The following ARL15 variants were observed in gnomAD, a reference collection of about 807,000 sequenced individuals.
ARL15 encodes the protein ARF like GTPase 15, also known as ADP-ribosylation factor-like protein 15.
A neutral mutation model predicts 25.2 loss-of-function variants in ARL15; 19 were observed. The ratio of observed to expected loss-of-function variants is 0.75; its 90% CI spans 0.53 to 1.10. The LOEUF (loss-of-function observed/expected upper bound fraction) is 1.10. Ranked by LOEUF, ARL15 falls within the 50% of genes least tolerant of loss-of-function variation. The pLI, the probability that ARL15 is intolerant of heterozygous loss-of-function variation, is 0.00. For missense variants in ARL15, 220 were observed against 246.0 expected (o/e 0.89, Z 0.71); for synonymous variants, 94 against 86.8 (o/e 1.08, Z -0.46).
At chr5:53,910,666 T>C (rs1745430080) in intron 4 of ARL15, among the ~76,000 whole-genome samples, 2 of 126,872 alleles carry the variant, frequency 1.6e-5, no homozygotes, top group Non-Finnish European at 3.4e-5. Flanking sequence ...TATATATATA[T>C]ATATATAAAG....
intron 1 of ARL15, among the ~76,000 whole-genome samples, chr5:54,215,163 A>G (rs550222364): frequency 6.6e-6 from 1 of 151,486 alleles, no homozygotes; most frequent in South Asian, 2.1e-4. Context: ...TGCCTTTTAT[A>G]TTTTTCTTTT....
chr5:54,218,418 G>A (rs956358558), intron 1 of ARL15, among the ~76,000 whole-genome samples: 4 of 152,054 alleles, frequency 2.6e-5, no homozygotes, highest in Non-Finnish European at 5.9e-5. Context: ...ACTGTATCCC[G>A]TATCCCCGAT....
Position 54,260,318 on chromosome 5 carries a change from C to T in ARL15, c.48+50114G>A, listed in dbSNP as rs996395256. 2.6e-5 allele frequency among the ~76,000 whole-genome samples: 4 copies of T among 152,162 alleles called. No homozygotes were observed. In the South Asian group the frequency reaches 8.3e-4, roughly 32 times the overall value. ...GGTAGATGGGATGAAAGTGTGATTC[C>T]TTCAACCATTATCATAACAATTACA... is the stretch of plus-strand genomic sequence containing the variant. On this transcript the variant is annotated intron_variant, in intron 1 of 4. Transcript: ENST00000504924.
intron 1 of ARL15, among the ~76,000 whole-genome samples, chr5:54,269,192 G>A (rs1025369573): frequency 6.6e-6 from 1 of 151,730 alleles, no homozygotes; most frequent in Non-Finnish European, 1.5e-5. Flanking sequence ...TGCACATTGT[G>A]CACATGTACC....
intron 4 of ARL15, among the ~76,000 whole-genome samples, chr5:54,058,004 A>T (rs1272364494): frequency 4.0e-4 from 55 of 138,248 alleles, no homozygotes; most frequent in Non-Finnish European, 5.6e-4. Context: ...TTATTTATTT[A>T]TTTATTTATT....
In ARL15 at chr5:54,310,513, C is replaced by A. The variant is rs975766822; in HGVS notation, c.-34G>T. The stretch of plus-strand genomic sequence containing the variant: ...CTAAAGCATCCGGAACGGCTCCGAA[C>A]CCGGAAAAAAAAAGCAGCGTCTCTG... On this transcript the variant is annotated 5_prime_UTR_variant, in exon 1 of 5. Coordinates refer to ENST00000504924, the MANE Select transcript of ARL15 (RefSeq NM_019087.3). The A allele has an allele frequency of 1.1e-5, 18 of 1,578,330 alleles. No individual in the cohort carries two copies. The highest frequency in any genetic ancestry group is 2.3e-5 in the East Asian group (1 of 42,772).
chr5:53,918,769 T>A (rs916356487), intron 4 of ARL15, among the ~76,000 whole-genome samples: 2 of 151,866 alleles, frequency 1.3e-5, no homozygotes, highest in African/African-American at 4.8e-5. Flanking sequence ...AGAGTCTGAG[T>A]ATCTGGAAGC....
intron 3 of ARL15, among the ~76,000 whole-genome samples, chr5:54,136,461 T>C (rs1430249507): frequency 6.6e-6 from 1 of 152,202 alleles, no homozygotes; most frequent in Admixed American, 6.5e-5. Context: ...AACAAGTCTG[T>C]ATCATTAATC....
intron 3 of ARL15, among the ~76,000 whole-genome samples, chr5:54,147,238 T>C (rs1019044738): frequency 1.3e-5 from 2 of 152,066 alleles, no homozygotes; most frequent in Non-Finnish European, 2.9e-5. Context: ...CAATATTATA[T>C]CAAGAAGTTG....
At chr5:54,065,560 G>A (rs777701869) in intron 4 of ARL15, among the ~76,000 whole-genome samples, 22 of 116,670 alleles carry the variant, frequency 1.9e-4, no homozygotes, top group Non-Finnish European at 2.5e-4. Flanking sequence ...CAGCTACTCC[G>A]GAGGCTGAGG....
rs565043600 is a variant in ARL15 at position 54,261,294 on chromosome 5, C to A, written c.48+49138G>T. On this transcript the variant is annotated intron_variant, in intron 1 of 4. Transcript: ENST00000504924. ...AGACCACAGTTTGTTTTTAAGTGAT[C>A]TAGTACTTACATTTCACAATCCAGT... is the stretch of plus-strand genomic sequence containing the variant. 2.6e-5 allele frequency among the ~76,000 whole-genome samples: 4 copies of A among 152,266 alleles called. No homozygotes were observed. In the South Asian group the frequency reaches 8.3e-4, roughly 32 times the overall value.
At chr5:54,282,143 G>C (rs1758075540) in intron 1 of ARL15, 1 of 516,388 alleles carries the variant, frequency 1.9e-6, no homozygotes, top group Non-Finnish European at 2.5e-6. Context: ...GCTTTCTAAA[G>C]TGGTTGTATA....
chr5:54,242,187 A>T lies in ARL15; in HGVS notation c.48+68245T>A, dbSNP rs116709685. 6.7e-3 allele frequency among the ~76,000 whole-genome samples: 1,012 copies of T among 152,140 alleles called. 9 individuals are homozygous for T. Among genetic ancestry groups the T allele is most frequent in the African/African-American group, 0.023 (949 of 41,444 alleles). ...CACACACGCACACACACACACACAC[A>T]ATTAAGTTATAAGTTACATGTTAAA... On this transcript the variant is annotated intron_variant, in intron 1 of 4. Transcript: ENST00000504924.
chr5:53,941,967 C>G (rs1247234558), intron 4 of ARL15, among the ~76,000 whole-genome samples: 1 of 152,128 alleles, frequency 6.6e-6, no homozygotes, highest in Non-Finnish European at 1.5e-5. Flanking sequence ...GGAAGTGGCA[C>G]AGTCTGATTT....
Position 54,258,709 on chromosome 5 carries a change from G to A in ARL15, c.48+51723C>T, listed in dbSNP as rs28702013. ...TAATGGAAAGCCACCAGATCAGAAGGGGAATGGAAGGAGAGGGGCATGAAA... is the reference window on the plus strand; with the variant it reads ...TAATGGAAAGCCACCAGATCAGAAGAGGAATGGAAGGAGAGGGGCATGAAA... On this transcript the variant is annotated intron_variant, in intron 1 of 4. Transcript: ENST00000504924. Among the ~76,000 whole-genome samples, 370 of 152,260 alleles carry A rather than the reference G, an allele frequency of 2.4e-3. 2 individuals are homozygous for A. Among genetic ancestry groups the A allele is most frequent in the African/African-American group, 8.6e-3 (357 of 41,546 alleles).
chr5:54,277,790 AAAG>A (rs1757962871), intron 1 of ARL15, among the ~76,000 whole-genome samples: 3 of 152,156 alleles, frequency 2.0e-5, no homozygotes, highest in Admixed American at 2.0e-4. Flanking sequence ...TGCAAAGGCC[AAAG>A]AAGAATTTAA....
chr5:54,122,216 T>C (rs1251221787), intron 3 of ARL15, among the ~76,000 whole-genome samples: 1 of 152,246 alleles, frequency 6.6e-6, no homozygotes, highest in Non-Finnish European at 1.5e-5. Context: ...AGTTTCTTCC[T>C]CCCTCATTGC....
At chr5:53,988,620 C>A (rs1340584497) in intron 4 of ARL15, among the ~76,000 whole-genome samples, 1 of 151,984 alleles carries the variant, frequency 6.6e-6, no homozygotes, top group Non-Finnish European at 1.5e-5. Flanking sequence ...ATTTTGCGTG[C>A]CTAAAATGAC....
intron 1 of ARL15, among the ~76,000 whole-genome samples, chr5:54,242,085 A>G (rs1174990424): frequency 6.6e-6 from 1 of 152,250 alleles, no homozygotes; most frequent in Admixed American, 6.5e-5. Context: ...TCGATTAGCA[A>G]GATGGCCCAG....
Sources: allele counts gnomAD v4.1 joint callset (sites outside exome capture counted in the v4.1 genomes callset), GRCh38; gene constraint gnomAD v4.1.1; transcripts MANE v1.5; gene names NCBI Gene and HGNC (gene_info 2026-07-23, HGNC 2026-07-21).